Variants in HCN1 observed in about 807,000 individuals in gnomAD.
HCN1 encodes the protein hyperpolarization activated cyclic nucleotide gated potassium channel 1, also known as potassium/sodium hyperpolarization-activated cyclic nucleotide-gated channel 1.
HCN1 carries 13 observed loss-of-function variants against 78.9 expected under a neutral mutation model. That is an observed-to-expected ratio of 0.16 (90% CI 0.11 to 0.26). The LOEUF (loss-of-function observed/expected upper bound fraction) is 0.26, where lower values mean the gene tolerates loss of function less well. Ranked by LOEUF, HCN1 falls within the 10% of genes least tolerant of loss-of-function variation. The pLI is 1.00. For missense variants in HCN1, 810 were observed against 1,154.3 expected (o/e 0.70, Z 4.32); for synonymous variants, 552 against 455.5 (o/e 1.21, Z -2.70).
chr5:45,512,159 C>T (rs1742429240), intron 2 of HCN1, among the ~76,000 whole-genome samples: 1 of 152,038 alleles, frequency 6.6e-6, no homozygotes, highest in African/African-American at 2.4e-5. Context: ...CCTATTTTAA[C>T]TCTCATAAAT....
chr5:45,692,545 C>G (rs995705739), intron 1 of HCN1, among the ~76,000 whole-genome samples: 12 of 152,172 alleles, frequency 7.9e-5, no homozygotes, highest in African/African-American at 2.7e-4. Context: ...CCAGTTATTT[C>G]AAACAGTACC....
rs978041131 is a variant in HCN1, at chr5:45,374,865, T to G, written c.1231-21619A>C. 4.3e-4 allele frequency among the ~76,000 whole-genome samples: 63 copies of G among 145,360 alleles called. No homozygotes were observed. In the East Asian group the frequency reaches 0.012, roughly 27 times the overall value. Reference sequence around the variant, plus strand: ...CTTCAAGTGATTTTGTAAAACTTATTTTTGGTTCATGGGTATATATATAGA... The same window carrying G: ...CTTCAAGTGATTTTGTAAAACTTATGTTTGGTTCATGGGTATATATATAGA... On this transcript the variant is annotated intron_variant, in intron 4 of 7. Transcript: ENST00000303230.
chr5:45,661,118 T>A (rs1745926822), intron 1 of HCN1, among the ~76,000 whole-genome samples: 1 of 148,452 alleles, frequency 6.7e-6, no homozygotes, highest in Non-Finnish European at 1.5e-5. Flanking sequence ...CAGACCACGG[T>A]GCAATCAAAC....
At chr5:45,635,682 C>T (rs1281479363) in intron 2 of HCN1, among the ~76,000 whole-genome samples, 5 of 152,082 alleles carry the variant, frequency 3.3e-5, no homozygotes, top group Admixed American at 2.0e-4. Flanking sequence ...CACTAAGACA[C>T]GACTCATCTG....
intron 5 of HCN1, among the ~76,000 whole-genome samples, chr5:45,306,346 C>T (rs551755427): frequency 2.0e-5 from 3 of 152,112 alleles, no homozygotes; most frequent in African/African-American, 7.2e-5. Context: ...TTAACCTGAT[C>T]TTTAGTCATA....
At chr5:45,567,715 C>T (rs1579973821) in intron 2 of HCN1, among the ~76,000 whole-genome samples, 1 of 151,956 alleles carries the variant, frequency 6.6e-6, no homozygotes, top group Non-Finnish European at 1.5e-5. Flanking sequence ...TCATCTAACA[C>T]AGTGCTTGCC....
At chr5:45,686,693 A>C (rs924076796) in intron 1 of HCN1, among the ~76,000 whole-genome samples, 1 of 152,232 alleles carries the variant, frequency 6.6e-6, no homozygotes, top group African/African-American at 2.4e-5. Context: ...AAAATATGAA[A>C]GTCATCAATA....
At chr5:45,537,036 C>T (rs1282091594) in intron 2 of HCN1, among the ~76,000 whole-genome samples, 1 of 152,176 alleles carries the variant, frequency 6.6e-6, no homozygotes, top group African/African-American at 2.4e-5. Context: ...TCCATCCCTT[C>T]TGAGGATCCC....
intron 3 of HCN1, among the ~76,000 whole-genome samples, chr5:45,404,047 G>A (rs183422972): frequency 6.6e-5 from 10 of 152,022 alleles, no homozygotes; most frequent in African/African-American, 1.9e-4. Flanking sequence ...GCCCCACTTC[G>A]GGCATCCTGT....
At position 45,536,332 on chromosome 5, in the gene HCN1, G is replaced by A. The variant is rs535386982; in HGVS notation, c.850-74325C>T. 2.6e-5 allele frequency among the ~76,000 whole-genome samples: 4 copies of A among 152,088 alleles called. 1 individual carries two copies. Among genetic ancestry groups the A allele is most frequent in the African/African-American group, 9.6e-5 (4 of 41,496 alleles). On this transcript the variant is annotated intron_variant, in intron 2 of 7. Transcript: ENST00000303230. ...CTAGAATTCCAATTACATTATGTTA[G>A]ACCACTTGCATTGTTTGTGAGTCCA...
chr5:45,314,741 A>G (rs1745941326), intron 5 of HCN1, among the ~76,000 whole-genome samples: 2 of 152,144 alleles, frequency 1.3e-5, no homozygotes, highest in South Asian at 4.1e-4. Context: ...AATAGAAAAC[A>G]AAAAAAGGCA....
chr5:45,395,578 C>A (rs1444446314), intron 4 of HCN1, among the ~76,000 whole-genome samples: 1 of 152,098 alleles, frequency 6.6e-6, no homozygotes, highest in Non-Finnish European at 1.5e-5. Flanking sequence ...CTGAAAACTT[C>A]TTTGGATGTT....
intron 2 of HCN1, among the ~76,000 whole-genome samples, chr5:45,529,398 A>G (rs999829480): frequency 6.6e-6 from 1 of 152,076 alleles, no homozygotes; most frequent in Non-Finnish European, 1.5e-5. Flanking sequence ...ATTAAGAAGT[A>G]GAAACTAGCA....
chr5:45,586,391 G>A (rs148333743), intron 2 of HCN1, among the ~76,000 whole-genome samples: 18 of 152,218 alleles, frequency 1.2e-4, no homozygotes, highest in African/African-American at 3.9e-4. Flanking sequence ...TATTAGGGTG[G>A]AAGTGACCTG....
At chr5:45,654,211 CT>C (rs1745727881) in intron 1 of HCN1, among the ~76,000 whole-genome samples, 1 of 152,006 alleles carries the variant, frequency 6.6e-6, no homozygotes, top group Non-Finnish European at 1.5e-5. Context: ...AAGTCTATAG[CT>C]TTTATTAAAG....
At chr5:45,563,667 T>C (rs927650924) in intron 2 of HCN1, among the ~76,000 whole-genome samples, 23 of 152,124 alleles carry the variant, frequency 1.5e-4, no homozygotes, top group African/African-American at 5.6e-4. Context: ...CTAACAACAC[T>C]TCACATCATT....
chr5:45,465,169 G>A (rs1464957502), intron 2 of HCN1, among the ~76,000 whole-genome samples: 2 of 152,232 alleles, frequency 1.3e-5, no homozygotes, highest in South Asian at 2.1e-4. Flanking sequence ...ATGAATGAAT[G>A]AGAGAGTTGA....
rs554817390 is a variant in HCN1 at position 45,290,942 on chromosome 5, G to T, written c.1618+12657C>A. Among the ~76,000 whole-genome samples, 8 of 152,122 alleles carry T rather than the reference G, an allele frequency of 5.3e-5. No homozygotes were observed. In the South Asian group the frequency reaches 1.7e-3, roughly 32 times the overall value. On this transcript the variant is annotated intron_variant, in intron 6 of 7. Coordinates refer to ENST00000303230, the MANE Select transcript of HCN1 (RefSeq NM_021072.4). Reference sequence around the variant, plus strand: ...AATTTGGTTTCAAATGTCTTTCACTGAAATATAGGTTATTCTTGTCATAAT... The same window carrying T: ...AATTTGGTTTCAAATGTCTTTCACTTAAATATAGGTTATTCTTGTCATAAT...
intron 2 of HCN1, among the ~76,000 whole-genome samples, chr5:45,622,742 C>T (rs1382563669): frequency 6.6e-6 from 1 of 152,144 alleles, no homozygotes; most frequent in Non-Finnish European, 1.5e-5. Flanking sequence ...TGAAGTTAGA[C>T]TTTTCAGCTA....
Sources: allele counts gnomAD v4.1 joint callset (sites outside exome capture counted in the v4.1 genomes callset), GRCh38; gene constraint gnomAD v4.1.1; transcripts MANE v1.5; gene names NCBI Gene and HGNC (gene_info 2026-07-23, HGNC 2026-07-21).